LITAF: variants seen among roughly 807,000 people sequenced by gnomAD.
LITAF encodes lipopolysaccharide-induced tumor necrosis factor-alpha factor.
Under a neutral mutation model 14.5 loss-of-function variants are expected in LITAF, and 9 were observed. That is an observed-to-expected ratio of 0.62 (90% confidence interval 0.37 to 1.08). The LOEUF is 1.08. Ranked by LOEUF, LITAF falls within the 50% of genes least tolerant of loss-of-function variation. The pLI is 0.01. For synonymous variants in LITAF, 98 were observed against 88.2 expected (o/e 1.11, Z -0.62); for missense variants, 206 against 213.4 (o/e 0.97, Z 0.22).
At chr16:11,569,875 A>G (rs925673516) in intron 1 of LITAF, among the ~76,000 whole-genome samples, 1 of 152,114 alleles carries the variant, frequency 6.6e-6, no homozygotes. Flanking sequence ...CTTTACTAAA[A>G]ATATAAAAAT....
intron 1 of LITAF, among the ~76,000 whole-genome samples, chr16:11,592,413 TA>T (rs1567256983): frequency 6.6e-6 from 1 of 151,762 alleles, no homozygotes; most frequent in Non-Finnish European, 1.5e-5. Flanking sequence ...CCATCTCTAC[TA>T]AAAATACAAA....
In LITAF at chr16:11,549,613, G is replaced by T. The variant is rs571908546; in HGVS notation, c.*24C>A. On this transcript the variant is annotated 3_prime_UTR_variant, in exon 4 of 4. Transcript: ENST00000622633. This position sits in a 1 kb window ranked among gnomAD's most constrained non-coding sequence, Gnocchi z 4.6. ...TGGAAAGGACTTCCTGCGGCACCCG[G>T]CTCCCTCCACGTCTGGCTGAGTCCT... 24 of 1,567,942 alleles carry T rather than the reference G, an allele frequency of 1.5e-5. No individual in the cohort carries two copies. The South Asian group carries it at 2.1e-4, about 14-fold the overall frequency.
At position 11,579,673 on chromosome 16, in the gene LITAF, C is replaced by T. The variant is rs1395756949; in HGVS notation, c.-6+7213G>A. ...TCAGTTTCTTGGTTTGACAAACATA[C>T]TGTGTGATGTAAGATGTGAATAATG... On this transcript the variant is annotated intron_variant, in intron 1 of 3. Coordinates refer to ENST00000622633, the MANE Select transcript of LITAF (RefSeq NM_001136472.2). Among the ~76,000 whole-genome samples the T allele has an allele frequency of 3.3e-5, 5 of 152,126 alleles. No individual in the cohort carries two copies. The East Asian group carries it at 9.6e-4, about 29-fold the overall frequency.
At position 11,549,572 on chromosome 16, in the gene LITAF, G is replaced by T; in HGVS notation, c.*65C>A. 8.1e-7 allele frequency: 1 copy of T among 1,231,188 alleles called. No homozygotes were observed. Among genetic ancestry groups the T allele is most frequent in the South Asian group, 1.3e-5 (1 of 78,516 alleles). The allele number at this position is 1,231,188 out of a possible 1,614,324, so 76.3% of individuals were successfully genotyped here. A position where few individuals can be genotyped will look rare whatever the true frequency, so the allele number is the denominator to read the frequency against. ...CCAGGGCAGAACCTCCACCAGGCGT[G>T]AAGCTGGATGAGAGGTGGAAAGGAC... On this transcript the variant is annotated 3_prime_UTR_variant, in exon 4 of 4. Transcript: ENST00000622633. This position sits in a 1 kb window ranked among gnomAD's most constrained non-coding sequence, Gnocchi z 4.6.
intron 3 of LITAF, among the ~76,000 whole-genome samples, chr16:11,614,608 GT>G (rs1310209699): frequency 1.4e-5 from 2 of 148,096 alleles, no homozygotes; most frequent in East Asian, 2.0e-4. Context: ...GCTTTTTCTG[GT>G]TTTTTTTTAA....
rs987568394 is a variant in LITAF at position 11,549,293 on chromosome 16, G to A, written c.*344C>T. 18 of 446,574 alleles carry A rather than the reference G, an allele frequency of 4.0e-5. No homozygotes were observed. Among genetic ancestry groups the A allele is most frequent in the African/African-American group, 3.6e-4 (18 of 49,588 alleles). The allele number at this position is 446,574 out of a possible 1,614,324, so 27.7% of individuals were successfully genotyped here. On this transcript the variant is annotated 3_prime_UTR_variant, in exon 4 of 4. Coordinates refer to ENST00000622633, the MANE Select transcript of LITAF (RefSeq NM_001136472.2). This position sits in a 1 kb window ranked among gnomAD's most constrained non-coding sequence, Gnocchi z 4.6. ...GAGACTGCCACCAGAAAGGCCCATGGAAGCAGGAAAAAAGAGCCACTGATG... is the reference window on the plus strand; with the variant it reads ...GAGACTGCCACCAGAAAGGCCCATGAAAGCAGGAAAAAAGAGCCACTGATG...
chr16:11,582,071 T>C (rs980801340), intron 1 of LITAF, among the ~76,000 whole-genome samples: 1 of 152,156 alleles, frequency 6.6e-6, no homozygotes, highest in African/African-American at 2.4e-5. Context: ...TATTTTCAAA[T>C]AGCTAGAAGA....
chr16:11,593,096 C>T (rs1418065922), intron 1 of LITAF, among the ~76,000 whole-genome samples: 7 of 151,896 alleles, frequency 4.6e-5, no homozygotes, highest in Admixed American at 2.0e-4. Context: ...GCATGAACCC[C>T]GGAGGAGGAG....
At chr16:11,602,249 T>G (rs545752436), upstream of LITAF, among the ~76,000 whole-genome samples, 172 of 152,224 alleles carry the variant, frequency 1.1e-3, no homozygotes, top group Non-Finnish European at 2.0e-3. Flanking sequence ...TCCCAGCTAC[T>G]TGGGAGGCTG....
At chr16:11,613,916 C>T (rs2064999830) in intron 3 of LITAF, among the ~76,000 whole-genome samples, 1 of 152,194 alleles carries the variant, frequency 6.6e-6, no homozygotes, top group South Asian at 2.1e-4. Context: ...ATCTCTAAAA[C>T]GGAACTGACA....
chr16:11,634,594 C>G lies in LITAF; in HGVS notation c.-20-957G>C, dbSNP rs538795027. ...AGGTTTTTGCATTTCTGACGATCCA[C>G]TGAGGACTCAGTGCACATGAGGACC... On this transcript the variant is annotated intron_variant, in intron 2 of 3. Coordinates refer to the LITAF transcript ENST00000574848. The surrounding 1 kb of genome is among the most constrained non-coding windows in gnomAD (Gnocchi z 4.1). Among the ~76,000 whole-genome samples the G allele has an allele frequency of 1.3e-5, 2 of 152,296 alleles. No homozygotes were observed. Among genetic ancestry groups the G allele is most frequent in the Non-Finnish European group, 2.9e-5 (2 of 68,032 alleles).
At chr16:11,638,100 A>ATC (rs2065149918), upstream of LITAF, among the ~76,000 whole-genome samples, 4 of 122,974 alleles carry the variant, frequency 3.3e-5, no homozygotes, top group African/African-American at 1.5e-4. Context: ...ATCTATCTAT[A>ATC]TATATATATC....
At chr16:11,611,048 G>T (rs889718780) in intron 3 of LITAF, among the ~76,000 whole-genome samples, 12 of 152,018 alleles carry the variant, frequency 7.9e-5, no homozygotes, top group Non-Finnish European at 1.2e-4. Flanking sequence ...TCCCAGATAC[G>T]GTTTCCAGAA....
intron 3 of LITAF, among the ~76,000 whole-genome samples, chr16:11,631,386 C>A (rs1358630549): frequency 6.6e-6 from 1 of 152,122 alleles, no homozygotes; most frequent in African/African-American, 2.4e-5. Context: ...CTGCAACACT[C>A]TGCACATGGC....
chr16:11,567,215 T>A (rs2064464024), intron 1 of LITAF, among the ~76,000 whole-genome samples: 1 of 150,904 alleles, frequency 6.6e-6, no homozygotes, highest in Non-Finnish European at 1.5e-5. Context: ...AGGTCAGGAG[T>A]TTGAGACCAG....
intron 1 of LITAF, among the ~76,000 whole-genome samples, chr16:11,566,810 A>G (rs928594942): frequency 4.6e-5 from 7 of 151,776 alleles, no homozygotes; most frequent in African/African-American, 1.5e-4. Flanking sequence ...AAAAAAAAAG[A>G]TTTAGGAGTA....
intron 3 of LITAF, among the ~76,000 whole-genome samples, chr16:11,616,993 G>A (rs1386133478): frequency 6.6e-6 from 1 of 151,522 alleles, no homozygotes; most frequent in Non-Finnish European, 1.5e-5. Context: ...GCCGAGGCAG[G>A]CAGATCACCT....
upstream of LITAF, among the ~76,000 whole-genome samples, chr16:11,640,002 T>C (rs924044436): frequency 2.0e-5 from 3 of 152,182 alleles, no homozygotes. Flanking sequence ...CTTGAACTCC[T>C]GGCTCAAGCA....
chr16:11,565,005 TC>T, intron 1 of LITAF, among the ~76,000 whole-genome samples: 3 of 106,370 alleles, frequency 2.8e-5, no homozygotes, highest in Admixed American at 1.7e-4. Flanking sequence ...CACTGAATTA[TC>T]TTTTTTTTTT....
Sources: allele counts gnomAD v4.1 joint callset (sites outside exome capture counted in the v4.1 genomes callset), GRCh38; gene constraint gnomAD v4.1.1; non-coding constraint Gnocchi (gnomAD v3.1); transcripts MANE v1.5; gene names NCBI Gene and HGNC (gene_info 2026-07-23, HGNC 2026-07-21).